WFDC1: variants seen among roughly 807,000 people sequenced by gnomAD.
The protein encoded by WFDC1 is WAP four-disulfide core domain 1.
In WFDC1, 39 loss-of-function variants were observed where a neutral mutation model predicts 32.9. The observed-to-expected ratio is 1.19, with a 90% CI of 0.92 to 1.55. The LOEUF (loss-of-function observed/expected upper bound fraction) is 1.55. Among genes scored for constraint, WFDC1 ranks in the 40% most tolerant of loss-of-function variants. The pLI, the probability that WFDC1 is intolerant of heterozygous loss-of-function variation, is 0.00. For synonymous variants in WFDC1, 184 were observed against 137.4 expected (o/e 1.34, Z -2.37); for missense variants, 386 against 309.5 (o/e 1.25, Z -1.85).
chr16:84,323,629 A>G (rs996420776), intron 4 of WFDC1, among the ~76,000 whole-genome samples: 12 of 152,196 alleles, frequency 7.9e-5, no homozygotes, highest in African/African-American at 2.7e-4. Context: ...TTTTATGCCT[A>G]TTTTTAGGAG....
chr16:84,328,659 T>C (rs1241095520), intron 6 of WFDC1: 1 of 152,234 alleles, frequency 6.6e-6, no homozygotes, highest in Non-Finnish European at 1.5e-5. Context: ...AAGTTGAGGC[T>C]TTTGGGTGGG....
At chr16:84,322,190 T>TGTGTGTGTGA (rs1191078211) in intron 4 of WFDC1, among the ~76,000 whole-genome samples, 1 of 151,096 alleles carries the variant, frequency 6.6e-6, no homozygotes, top group South Asian at 2.1e-4. Flanking sequence ...TGTGTGTGTG[T>TGTGTGTGTGA]GAGCTTCCCC....
At chr16:84,310,491 A>G (rs1759639324) in intron 1 of WFDC1, among the ~76,000 whole-genome samples, 1 of 151,294 alleles carries the variant, frequency 6.6e-6, no homozygotes, top group Admixed American at 6.5e-5. Flanking sequence ...CTTTAAATTG[A>G]AGAAGAATGT....
At chr16:84,302,622 C>G (rs1907010327) in intron 1 of WFDC1, among the ~76,000 whole-genome samples, 1 of 152,218 alleles carries the variant, frequency 6.6e-6, no homozygotes, top group Non-Finnish European at 1.5e-5. Flanking sequence ...AAGAGCCCAG[C>G]TCTTCCTTCT....
intron 1 of WFDC1, among the ~76,000 whole-genome samples, chr16:84,306,478 G>T (rs1356530937): frequency 6.6e-6 from 1 of 152,216 alleles, no homozygotes; most frequent in Non-Finnish European, 1.5e-5. Context: ...GAGGATGGCC[G>T]AGTCCAGCTT....
chr16:84,316,892 C>A (rs244792), intron 2 of WFDC1: 113,102 of 151,552 alleles, frequency 0.75, 43,821 homozygotes, highest in Non-Finnish European at 0.85. Context: ...GCAGGAGACT[C>A]GCTTGAACCC....
intron 4 of WFDC1, among the ~76,000 whole-genome samples, chr16:84,320,876 T>TTC: frequency 6.6e-6 from 1 of 151,844 alleles, no homozygotes; most frequent in Non-Finnish European, 1.5e-5. Flanking sequence ...TCTTTTTTTT[T>TTC]CTGATTTGAG....
At chr16:84,296,953 C>T (rs990345310) in intron 1 of WFDC1, 12 of 152,192 alleles carry the variant, frequency 7.9e-5, no homozygotes, top group African/African-American at 2.9e-4. Context: ...ATTTTATTGA[C>T]TCCTCCATGC....
chr16:84,313,672 C>T lies in WFDC1; in HGVS notation c.337+519C>T, dbSNP rs978399768. ...TCAACCCACCAGGCCCGCCACACTT[C>T]TCATGCCTGGCCCTGGGGTATTTGA... On this transcript the variant is annotated intron_variant, in intron 2 of 6. Transcript: ENST00000219454. Among the ~76,000 whole-genome samples, 14 of 152,218 alleles carry T rather than the reference C, an allele frequency of 9.2e-5. No homozygotes were observed. The South Asian group carries it at 1.5e-3, about 16-fold the overall frequency.
intron 4 of WFDC1, among the ~76,000 whole-genome samples, chr16:84,322,670 A>G (rs926274757): frequency 2.0e-5 from 3 of 152,216 alleles, no homozygotes; most frequent in African/African-American, 7.2e-5. Context: ...GCGGGTACCA[A>G]TAGTCCTTCA....
intron 4 of WFDC1, among the ~76,000 whole-genome samples, chr16:84,320,846 G>C (rs932669987): frequency 6.8e-6 from 1 of 147,400 alleles, no homozygotes; most frequent in Non-Finnish European, 1.5e-5. Context: ...ATACTGGGGA[G>C]TGCATGATCT....
chr16:84,329,784 T>G lies in WFDC1; in HGVS notation c.*478T>G, dbSNP rs77405262. 6.6e-6 allele frequency: 1 copy of G among 152,240 alleles called. No homozygotes were observed. The highest frequency in any genetic ancestry group is 1.5e-5 in the Non-Finnish European group (1 of 68,052). 9.4% of individuals were successfully genotyped at this position (152,240 alleles called of 1,614,324 possible). ...TCCTAGTTGTAGCCACCGGATGTGCTGAGGCCTAAATGTTAGCAGGTGGGA... is the reference window on the plus strand; with the variant it reads ...TCCTAGTTGTAGCCACCGGATGTGCGGAGGCCTAAATGTTAGCAGGTGGGA... On this transcript the variant is annotated 3_prime_UTR_variant, in exon 7 of 7. Transcript: ENST00000219454.
In WFDC1 at chr16:84,313,008, C is replaced by G. The variant is rs1027121069; in HGVS notation, c.192C>G (p.Asp64Glu). 12 of 1,280,924 alleles carry G rather than the reference C, an allele frequency of 9.4e-6. No individual in the cohort carries two copies. Among genetic ancestry groups the G allele is most frequent in the Non-Finnish European group, 1.2e-5 (12 of 1,015,392 alleles). 79.3% of individuals were successfully genotyped at this position (1,280,924 alleles called of 1,614,324 possible). A position where few individuals can be genotyped will look rare whatever the true frequency, so the allele number is the denominator to read the frequency against. ...APGGPRQPRA[D>E]RCPPPPRTLP... Reference sequence around the variant, plus strand: ...GCGGCCCCCGGCAGCCCCGAGCAGACCGCTGCCCGCCGCCTCCGCGGACGC... The same window carrying G: ...GCGGCCCCCGGCAGCCCCGAGCAGAGCGCTGCCCGCCGCCTCCGCGGACGC... The change falls in exon 2 of 7, where the codon GAC becomes GAG. Residue 64 changes from aspartate (D) to glutamate (E), a missense_variant. By Grantham distance (45) the Asp-to-Glu change is conservative. Transcript: ENST00000219454.
chr16:84,321,575 A>T (rs1247252395), intron 4 of WFDC1, among the ~76,000 whole-genome samples: 1 of 152,218 alleles, frequency 6.6e-6, no homozygotes, highest in Admixed American at 6.5e-5. Flanking sequence ...ATGATGTCTA[A>T]GACCAAGGTC....
intron 1 of WFDC1, among the ~76,000 whole-genome samples, chr16:84,312,611 CA>C: frequency 6.6e-6 from 1 of 152,096 alleles, no homozygotes; most frequent in East Asian, 1.9e-4. Context: ...TACATGCAGA[CA>C]TATATGTATA....
intron 4 of WFDC1, among the ~76,000 whole-genome samples, chr16:84,320,906 T>C (rs1391239908): frequency 6.6e-6 from 1 of 152,182 alleles, no homozygotes; most frequent in African/African-American, 2.4e-5. Flanking sequence ...CTCTGAAGTG[T>C]TTCAAGAAAG....
At position 84,318,310 on chromosome 16, in the gene WFDC1, G is replaced by T. The variant is rs549441914; in HGVS notation, c.376G>T (p.Gly126Cys). ...GGTGCAGCCGAAACCTCGATGGCTT[G>T]GTGGCAATGGCTGGCTCCTGGATGG... ...WLVQPKPRWL[G>C]GNGWLLDGPE... Residue 126 changes from glycine to cysteine, a missense_variant, in exon 3 of 7, where the codon GGT becomes TGT. Transcript: ENST00000219454. 8.1e-6 allele frequency: 13 copies of T among 1,614,152 alleles called. No homozygotes were observed. The Admixed American group carries it at 1.5e-4, about 19-fold the overall frequency.
At chr16:84,314,293 T>C (rs2151376051) in intron 2 of WFDC1, among the ~76,000 whole-genome samples, 1 of 151,698 alleles carries the variant, frequency 6.6e-6, no homozygotes, top group East Asian at 1.9e-4. Flanking sequence ...AAGTGGGGAG[T>C]AGGGTAGACA....
chr16:84,324,780 T>G (rs375287), intron 5 of WFDC1, among the ~76,000 whole-genome samples: 29 of 151,968 alleles, frequency 1.9e-4, no homozygotes, highest in African/African-American at 6.8e-4. Flanking sequence ...AATCATCCAT[T>G]GATCCATCCA....
Sources: gnomAD v4.1 joint callset for allele counts (sites outside exome capture counted in the v4.1 genomes callset) on GRCh38, gnomAD v4.1.1 for gene constraint, MANE v1.5 for transcripts, NCBI Gene and HGNC (gene_info 2026-07-23, HGNC 2026-07-21) for gene names.